BARD1: variants seen among roughly 807,000 people sequenced by gnomAD.
BARD1 encodes the protein BRCA1 associated RING domain 1.
A neutral mutation model predicts 77.0 loss-of-function variants in BARD1; 73 were observed. The observed-to-expected ratio is 0.95, with a 90% confidence interval of 0.79 to 1.15. The LOEUF (loss-of-function observed/expected upper bound fraction) is 1.15. Among genes scored for constraint, BARD1 ranks in the 50% most tolerant of loss-of-function variants. BARD1 has a pLI of 0.00. For missense variants in BARD1, 993 were observed against 938.8 expected (o/e 1.06, Z -0.75); for synonymous variants, 384 against 338.0 (o/e 1.14, Z -1.49).
rs786203647 is a variant in BARD1, at chr2:214,809,535, G to A, written c.35C>T (p.Pro12Leu). 2 of 1,580,716 alleles carry A rather than the reference G, an allele frequency of 1.3e-6. No individual in the cohort carries two copies. Among genetic ancestry groups the A allele is most frequent in the East Asian group, 4.6e-5 (2 of 43,186 alleles). ...PDNRQPRNRQ[P>L]RIRSGNEPRS... is the part of the protein sequence containing the mutation. Reference sequence around the variant, plus strand: ...AGGCTCGTTCCCGGAGCGGATCCTCGGCTGCCGGTTCCTCGGCTGCCGATT... The same window carrying A: ...AGGCTCGTTCCCGGAGCGGATCCTCAGCTGCCGGTTCCTCGGCTGCCGATT... The change falls in exon 1 of 11, where the codon CCG (proline) becomes CTG (leucine). Residue 12 changes from proline to leucine, a missense_variant. By Grantham distance (98) the Pro-to-Leu change is moderately conservative. Coordinates refer to ENST00000260947, the MANE Select transcript of BARD1 (RefSeq NM_000465.4).
In BARD1 at chr2:214,771,142, A is replaced by C. The variant is rs535166659; in HGVS notation, c.1315-1830T>G. 2.5e-4 allele frequency among the ~76,000 whole-genome samples: 38 copies of C among 152,316 alleles called. 1 individual carries two copies. The highest frequency in any genetic ancestry group is 2.4e-3 in the Admixed American group (36 of 15,294). Reference sequence around the variant, plus strand: ...ATCACCACTCACTGCAAATATAACTAATCAGTTCTTTTAGGATAACAGGGC... The same window carrying C: ...ATCACCACTCACTGCAAATATAACTCATCAGTTCTTTTAGGATAACAGGGC... On this transcript the variant is annotated intron_variant, in intron 4 of 10. Coordinates refer to ENST00000260947, the MANE Select transcript of BARD1 (RefSeq NM_000465.4).
At chr2:214,807,737 T>TGAGGCTCA (rs11281926) in intron 1 of BARD1, among the ~76,000 whole-genome samples, 113,152 of 151,708 alleles carry the variant, frequency 0.75, 42,239 homozygotes, top group East Asian at 0.85. Flanking sequence ...ATCCGGAAAA[T>TGAGGCTCA]GAGAGATGAA....
chr2:214,726,973 C>CT lies in BARD1; in HGVS notation c.*1702dup, dbSNP rs1692111066. ...TGACCTATGAGGCAACAGAAAGTGA[C>CT]TTAAAGTCTGTTATAAATAAAAAAT... On this transcript the variant is annotated 3_prime_UTR_variant, in exon 11 of 11. Transcript: ENST00000260947. The CT allele has an allele frequency of 4.5e-6, 1 of 223,218 alleles. No homozygotes were observed. The highest frequency in any genetic ancestry group is 8.9e-6 in the Non-Finnish European group (1 of 111,864). 13.8% of individuals were successfully genotyped at this position (223,218 alleles called of 1,614,324 possible). A position where few individuals can be genotyped will look rare whatever the true frequency, so the allele number is the denominator to read the frequency against.
intron 3 of BARD1, among the ~76,000 whole-genome samples, chr2:214,784,870 C>T (rs1413944917): frequency 6.6e-6 from 1 of 152,066 alleles, no homozygotes; most frequent in Non-Finnish European, 1.5e-5. Context: ...ACACCGGGGC[C>T]TGTCCGATGG....
At chr2:214,798,655 T>C (rs567400292) in intron 1 of BARD1, among the ~76,000 whole-genome samples, 65 of 151,490 alleles carry the variant, frequency 4.3e-4, no homozygotes, top group Admixed American at 1.9e-3. Flanking sequence ...CCTTCACCAC[T>C]ACCTAATTGT....
intron 3 of BARD1, among the ~76,000 whole-genome samples, chr2:214,785,702 A>T (rs977269819): frequency 2.6e-5 from 4 of 151,370 alleles, no homozygotes; most frequent in African/African-American, 7.3e-5. Flanking sequence ...AGCAAAAGGT[A>T]ATTTCAGGCC....
rs34062442 is a variant in BARD1, at chr2:214,726,037, C to CAA, written c.*2637_*2638dup. On this transcript the variant is annotated 3_prime_UTR_variant, in exon 11 of 11. Transcript: ENST00000260947. ...AACTATTAAATTTACAAGGCAGGTGCAAAAAAAAAAAAAGGTGGGGGGACC... is the reference window on the plus strand; with the variant it reads ...AACTATTAAATTTACAAGGCAGGTGCAAAAAAAAAAAAAAAGGTGGGGGGACC... 5.4e-3 allele frequency: 978 copies of CAA among 180,976 alleles called. 4 individuals are homozygous for CAA. Among genetic ancestry groups the CAA allele is most frequent in the Non-Finnish European group, 7.1e-3 (647 of 91,388 alleles). 11.2% of individuals were successfully genotyped at this position (180,976 alleles called of 1,614,324 possible).
Position 214,750,334 on chromosome 2 carries a change from AC to A in BARD1, c.1677+2112del, listed in dbSNP as rs1194377777. 2.6e-5 allele frequency among the ~76,000 whole-genome samples: 4 copies of A among 152,126 alleles called. No homozygotes were observed. In the East Asian group the frequency reaches 7.7e-4, roughly 29 times the overall value. ...TTTCAGTTATAAACACACTGAAGGT[AC>A]CCTATTAAGTCTAAACTCGTATCAG... On this transcript the variant is annotated intron_variant, in intron 7 of 10. Transcript: ENST00000260947.
At chr2:214,776,917 G>C (rs1194155674) in intron 4 of BARD1, among the ~76,000 whole-genome samples, 1 of 152,128 alleles carries the variant, frequency 6.6e-6, no homozygotes, top group Non-Finnish European at 1.5e-5. Flanking sequence ...TGGATGAGAT[G>C]AAGAAGAGGA....
intron 6 of BARD1, among the ~76,000 whole-genome samples, chr2:214,758,278 T>A (rs1437115228): frequency 6.6e-6 from 1 of 152,188 alleles, no homozygotes; most frequent in Non-Finnish European, 1.5e-5. Context: ...AAGATGGAAA[T>A]AATAACACTA....
chr2:214,752,947 G>A (rs1481721859), intron 6 of BARD1, among the ~76,000 whole-genome samples: 1 of 152,058 alleles, frequency 6.6e-6, no homozygotes, highest in African/African-American at 2.4e-5. Context: ...TAAATTCACA[G>A]GACAGGGATT....
At chr2:214,751,609 G>A (rs1156873737) in intron 7 of BARD1, among the ~76,000 whole-genome samples, 1 of 152,038 alleles carries the variant, frequency 6.6e-6, no homozygotes, top group Non-Finnish European at 1.5e-5. Context: ...GGGTTCCTAA[G>A]AAACAGGCAT....
chr2:214,745,215 T>C (rs1574737804), intron 8 of BARD1, 56 bp from the exon 9 acceptor site: 25 of 1,474,062 alleles, frequency 1.7e-5, no homozygotes, highest in Middle Eastern at 3.5e-4. Flanking sequence ...AGTATTTCTT[T>C]GGCCTGCTTC....
At chr2:214,806,958 C>G (rs1431286789) in intron 1 of BARD1, among the ~76,000 whole-genome samples, 1 of 150,412 alleles carries the variant, frequency 6.6e-6, no homozygotes, top group East Asian at 2.0e-4. Context: ...TTAAGTTTAT[C>G]AAGACTTTAT....
At chr2:214,742,336 C>A (rs927734812) in intron 9 of BARD1, among the ~76,000 whole-genome samples, 3 of 152,028 alleles carry the variant, frequency 2.0e-5, no homozygotes, top group African/African-American at 7.2e-5. Context: ...TCTTAAAAAA[C>A]AAACAAAGAA....
At position 214,780,740 on chromosome 2, in the gene BARD1, C is replaced by G. The variant is rs2229571; in HGVS notation, c.1134G>C (p.Arg378Ser). ...ATTCATCGGACATGTTACTGTTTTT[C>G]CTCCCTGATGTACCACCAACTTTAC... ...CKRKVGGTSG[R>S]KNSNMSDEFI... The change falls in exon 4 of 11, where the codon AGG becomes AGC. Residue 378 changes from arginine (R) to serine (S), a missense_variant. Arg to Ser is a moderately radical substitution (Grantham distance 110). Coordinates refer to ENST00000260947, the MANE Select transcript of BARD1 (RefSeq NM_000465.4). 937,277 of 1,613,584 alleles carry G rather than the reference C, an allele frequency of 0.58. 277,240 individuals carry two copies. Among genetic ancestry groups the G allele is most frequent in the Non-Finnish European group, 0.61 (721,249 of 1,179,826 alleles).
intron 1 of BARD1, among the ~76,000 whole-genome samples, chr2:214,805,336 A>G (rs1197236116): frequency 1.3e-5 from 2 of 152,162 alleles, no homozygotes; most frequent in African/African-American, 2.4e-5. Flanking sequence ...AGAAGTAGAA[A>G]ATGCATCACC....
intron 4 of BARD1, 81 bp downstream of exon 4, chr2:214,780,479 A>T: frequency 8.5e-7 from 1 of 1,182,654 alleles, no homozygotes; most frequent in Non-Finnish European, 1.2e-6. Context: ...TAGTAATCCT[A>T]TGCCATTTTT....
At position 214,736,620 on chromosome 2, in the gene BARD1, A is replaced by T. The variant is rs909544603; in HGVS notation, c.1904-6112T>A. Among the ~76,000 whole-genome samples, 3 of 152,262 alleles carry T rather than the reference A, an allele frequency of 2.0e-5. No individual in the cohort carries two copies. In the East Asian group the frequency reaches 5.8e-4, roughly 29 times the overall value. Reference sequence around the variant, plus strand: ...CTGATTATTTACAAGAAACACATTAAAATGGCATCTATTCCTCCTGAAAAC... The same window carrying T: ...CTGATTATTTACAAGAAACACATTATAATGGCATCTATTCCTCCTGAAAAC... On this transcript the variant is annotated intron_variant, in intron 9 of 10. Transcript: ENST00000260947.
Sources: gnomAD v4.1 joint callset for allele counts (sites outside exome capture counted in the v4.1 genomes callset) on GRCh38, gnomAD v4.1.1 for gene constraint, MANE v1.5 for transcripts, NCBI Gene and HGNC (gene_info 2026-07-23, HGNC 2026-07-21) for gene names.